ZNF407: variants seen among roughly 807,000 people sequenced by gnomAD.
ZNF407 encodes the protein zinc finger protein 407.
A neutral mutation model predicts 131.2 loss-of-function variants in ZNF407; 17 were observed. That is an observed-to-expected ratio of 0.13 (90% CI 0.09 to 0.19). The LOEUF (loss-of-function observed/expected upper bound fraction) is 0.19, where lower values mean the gene tolerates loss of function less well. ZNF407 is among the 10% of genes least tolerant of loss of function. The pLI is 1.00. For missense variants in ZNF407, 2,681 were observed against 2,830.6 expected (o/e 0.95, Z 1.20); for synonymous variants, 1,156 against 1,062.0 (o/e 1.09, Z -1.72).
chr18:74,905,339 T>A (rs1971581565), intron 7 of ZNF407: 1 of 152,242 alleles, frequency 6.6e-6, no homozygotes, highest in Admixed American at 6.5e-5. Context: ...CTCCCAGACG[T>A]TTAGAAAAGC....
chr18:74,620,025 TAAA>T lies in ZNF407; in HGVS notation c.-53-10932_-53-10930del, dbSNP rs36173609. 6.1e-5 allele frequency among the ~76,000 whole-genome samples: 9 copies of T among 147,352 alleles called. No homozygotes were observed. The East Asian group carries it at 1.4e-3, about 23-fold the overall frequency. On this transcript the variant is annotated intron_variant, in intron 1 of 8. Transcript: ENST00000299687. Reference sequence around the variant, plus strand: ...GTCCCCTTTTTTCTATCCCAATAATTAAAAAAAAAAAACCCAGACAATTAGATG... The same window carrying T: ...GTCCCCTTTTTTCTATCCCAATAATTAAAAAAAAACCCAGACAATTAGATG...
chr18:74,657,637 G>T (rs1374558409), intron 3 of ZNF407, among the ~76,000 whole-genome samples: 1 of 152,112 alleles, frequency 6.6e-6, no homozygotes, highest in Admixed American at 6.6e-5. Flanking sequence ...GAACTAACTG[G>T]CTGTAAAGTG....
At position 75,048,269 on chromosome 18, in the gene ZNF407, T is replaced by C. The variant is rs1047759359; in HGVS notation, c.5429-14881T>C. Reference sequence around the variant, plus strand: ...TAATTTCGTGGTCTTTCTGGTATTATGCGTCAGAGGCCTAATTTTTGTCTA... The same window carrying C: ...TAATTTCGTGGTCTTTCTGGTATTACGCGTCAGAGGCCTAATTTTTGTCTA... On this transcript the variant is annotated intron_variant, in intron 8 of 8. Transcript: ENST00000299687. This position sits in a 1 kb window ranked among gnomAD's most constrained non-coding sequence, Gnocchi z 4.1. Among the ~76,000 whole-genome samples, 3 of 152,246 alleles carry C rather than the reference T, an allele frequency of 2.0e-5. No individual in the cohort carries two copies. Among genetic ancestry groups the C allele is most frequent in the African/African-American group, 7.2e-5 (3 of 41,476 alleles).
intron 3 of ZNF407, among the ~76,000 whole-genome samples, chr18:74,651,141 T>C (rs1985208963): frequency 6.6e-6 from 1 of 152,142 alleles, no homozygotes. Flanking sequence ...ACCCTGTTAC[T>C]GTCATCCTTA....
chr18:74,626,357 A>G (rs4606815), intron 1 of ZNF407, among the ~76,000 whole-genome samples: 47,982 of 152,164 alleles, frequency 0.32, 7,803 homozygotes, highest in African/African-American at 0.39. Flanking sequence ...AGTATCAATC[A>G]TTGATATTTA....
intron 4 of ZNF407, among the ~76,000 whole-genome samples, chr18:74,838,068 C>T (rs1599187285): frequency 6.6e-6 from 1 of 152,168 alleles, no homozygotes; most frequent in Non-Finnish European, 1.5e-5. Context: ...CAATTGATTA[C>T]TCATATTGGC....
intron 7 of ZNF407, among the ~76,000 whole-genome samples, chr18:74,894,911 G>A (rs1290507346): frequency 6.6e-6 from 1 of 152,056 alleles, no homozygotes; most frequent in East Asian, 1.9e-4. Context: ...TTCCTTAACT[G>A]TGTCACTTCC....
In ZNF407 at chr18:75,063,505, C is replaced by T. The variant is rs890207550; in HGVS notation, c.5784C>T (p.Pro1928=). ...ATGTAGGCAGCGTGGTGCCCGGACC[C>T]ATCCTCCCCGAGCAGCTGGCTGATG... is the stretch of plus-strand genomic sequence containing the variant. ...GAHVGSVVPG[P]ILPEQLADGA... Residue 1928 remains proline, a synonymous_variant, in exon 9 of 9, where the codon CCC becomes CCT. Coordinates refer to ENST00000299687, the MANE Select transcript of ZNF407 (RefSeq NM_017757.3). The surrounding 1 kb of genome is among the most constrained non-coding windows in gnomAD (Gnocchi z 6.6). The T allele has an allele frequency of 6.3e-7, 1 of 1,588,876 alleles. No homozygotes were observed. Among genetic ancestry groups the T allele is most frequent in the Non-Finnish European group, 8.6e-7 (1 of 1,169,274 alleles).
chr18:74,950,148 G>A (rs956444008), intron 8 of ZNF407, among the ~76,000 whole-genome samples: 1 of 152,170 alleles, frequency 6.6e-6, no homozygotes, highest in Non-Finnish European at 1.5e-5. Context: ...CTCTTCAGAA[G>A]CCAGTGGTGC....
At chr18:75,000,583 T>A (rs1441180117) in intron 8 of ZNF407, among the ~76,000 whole-genome samples, 1 of 152,202 alleles carries the variant, frequency 6.6e-6, no homozygotes, top group Non-Finnish European at 1.5e-5. Flanking sequence ...TGATATGGCA[T>A]CTCTTCAGAT....
intron 8 of ZNF407, among the ~76,000 whole-genome samples, chr18:74,932,382 A>G (rs1453632276): frequency 6.6e-6 from 1 of 152,214 alleles, no homozygotes; most frequent in Non-Finnish European, 1.5e-5. Flanking sequence ...CTGCTACCCT[A>G]GCAGTTTCTG....
intron 3 of ZNF407, among the ~76,000 whole-genome samples, chr18:74,713,958 T>C (rs975298363): frequency 6.6e-6 from 1 of 152,246 alleles, no homozygotes; most frequent in Non-Finnish European, 1.5e-5. Context: ...CCTAGAAGGC[T>C]TGAAATAATT....
chr18:74,606,655 A>T (rs1364841335), intron 1 of ZNF407, among the ~76,000 whole-genome samples: 1 of 152,146 alleles, frequency 6.6e-6, no homozygotes, highest in African/African-American at 2.4e-5. Flanking sequence ...ACTGTGGTGG[A>T]GTTTATTATG....
intron 8 of ZNF407, among the ~76,000 whole-genome samples, chr18:74,975,254 G>A (rs80253009): frequency 6.6e-6 from 1 of 152,202 alleles, no homozygotes; most frequent in African/African-American, 2.4e-5. Flanking sequence ...GCATTGGCTT[G>A]TACAGTAGCT....
At chr18:74,907,657 A>T (rs549374118) in intron 7 of ZNF407, among the ~76,000 whole-genome samples, 2 of 152,312 alleles carry the variant, frequency 1.3e-5, no homozygotes, top group Admixed American at 1.3e-4. Flanking sequence ...CCTAGTATGG[A>T]TGCACTGTAC....
intron 3 of ZNF407, among the ~76,000 whole-genome samples, chr18:74,781,214 A>G (rs541320002): frequency 2.0e-5 from 3 of 152,310 alleles, no homozygotes; most frequent in East Asian, 3.9e-4. Flanking sequence ...AGTGTATCCA[A>G]GTCAAAACTG....
chr18:75,060,514 T>TC (rs1456923842), intron 8 of ZNF407, among the ~76,000 whole-genome samples: 5 of 144,674 alleles, frequency 3.5e-5, no homozygotes, highest in African/African-American at 1.3e-4. Context: ...TTTCTTTTTT[T>TC]TTTTTTTTTG....
At chr18:74,670,173 G>A (rs1428450347) in intron 3 of ZNF407, among the ~76,000 whole-genome samples, 1 of 152,196 alleles carries the variant, frequency 6.6e-6, no homozygotes, top group Non-Finnish European at 1.5e-5. Context: ...CTGACAGTTG[G>A]ACTGGATGAC....
At chr18:74,966,266 G>A (rs4891209) in intron 8 of ZNF407, among the ~76,000 whole-genome samples, 29,398 of 152,102 alleles carry the variant, frequency 0.19, 3,416 homozygotes, top group African/African-American at 0.3. Flanking sequence ...AGTTTCCCCA[G>A]TGTTTTCTTG....
Sources: allele counts gnomAD v4.1 joint callset (sites outside exome capture counted in the v4.1 genomes callset), GRCh38; gene constraint gnomAD v4.1.1; non-coding constraint Gnocchi (gnomAD v3.1); transcripts MANE v1.5; gene names NCBI Gene and HGNC (gene_info 2026-07-23, HGNC 2026-07-21).